The following NUCB1 variants were observed in gnomAD, a reference collection of about 807,000 sequenced individuals.
The protein encoded by NUCB1 is nucleobindin 1, also known as nucleobindin-1.
In NUCB1, 47 loss-of-function variants were observed where a neutral mutation model predicts 61.2. The ratio of observed to expected loss-of-function variants is 0.77; its 90% CI spans 0.61 to 0.98. NUCB1 has a LOEUF of 0.98. Ranked by LOEUF, NUCB1 falls within the 50% of genes least tolerant of loss-of-function variation. NUCB1 has a pLI of 0.00. For synonymous variants in NUCB1, 234 were observed against 243.1 expected, an observed-to-expected ratio of 0.96 and a Z score of 0.35; for missense variants, 583 against 605.3, an observed-to-expected ratio of 0.96 and a Z score of 0.39.
intron 11 of NUCB1, among the ~76,000 whole-genome samples, 158 bp from the exon 12 acceptor site, chr19:48,921,669 G>A (rs910161383): frequency 6.6e-6 from 1 of 152,160 alleles, no homozygotes; most frequent in African/African-American, 2.4e-5. Context: ...TATTAAGCCC[G>A]ACTGTCAATG....
In NUCB1 at chr19:48,919,090, C is replaced by T. The variant is rs1455451451; in HGVS notation, c.877C>T (p.Arg293Ter). 2 of 1,613,958 alleles carry T rather than the reference C, an allele frequency of 1.2e-6. No individual in the cohort carries two copies. The highest frequency in any genetic ancestry group is 1.3e-5 in the African/African-American group (1 of 74,910). The stretch of plus-strand genomic sequence containing the variant: ...CGACATGCGGGAGATGGAGGAGGAG[C>T]GACTGCGCATGCGGGAGCATGTGAT... ...EDDMREMEEE[R>*]LRMREHVMKN... The change falls in exon 9 of 13, where the codon CGA (arginine) becomes TGA (stop). Residue 293 changes from arginine (R) to a stop codon, truncating the protein, a stop_gained. Coordinates refer to ENST00000405315, the MANE Select transcript of NUCB1 (RefSeq NM_006184.6). LOFTEE classifies it high-confidence loss of function.
intron 10 of NUCB1, among the ~76,000 whole-genome samples, chr19:48,919,510 C>T (rs1026774541): frequency 6.1e-4 from 92 of 151,362 alleles, no homozygotes; most frequent in African/African-American, 2.0e-3. Flanking sequence ...CGGAGTCTCA[C>T]TCCATCGCCC....
chr19:48,912,700 G>C (rs1185566337), intron 5 of NUCB1, among the ~76,000 whole-genome samples: 2 of 150,050 alleles, frequency 1.3e-5, no homozygotes, highest in Non-Finnish European at 3.0e-5. Context: ...GCTGGGCCTG[G>C]TGACACATGC....
intron 1 of NUCB1, 35 bp downstream of exon 1, chr19:48,900,407 AG>A (rs2037341304): frequency 4.4e-6 from 1 of 229,348 alleles, no homozygotes; most frequent in Non-Finnish European, 8.7e-6. Context: ...CTTGGGTCCT[AG>A]GGAGGATGGG....
intron 8 of NUCB1, 54 bp downstream of exon 8, chr19:48,918,838 GTT>G: frequency 1.3e-6 from 2 of 1,516,226 alleles, no homozygotes. Flanking sequence ...TCAGCCACTT[GTT>G]TCCTCCTGCA....
chr19:48,915,761 G>A (rs12981368), intron 7 of NUCB1, among the ~76,000 whole-genome samples: 90,223 of 151,552 alleles, frequency 0.6, 27,717 homozygotes, highest in South Asian at 0.74. Context: ...TTGGCCTCCC[G>A]AAGTGCTGGG....
Position 48,905,841 on chromosome 19 carries a change from T to G in NUCB1, c.332T>G (p.Leu111Arg), listed in dbSNP as rs1312347277. Residue 111 changes from leucine (L) to arginine (R), a missense_variant, in exon 4 of 13, where the codon CTG becomes CGG. By Grantham distance (102) the Leu-to-Arg change is moderately radical (BLOSUM62 -2). Coordinates refer to ENST00000405315, the MANE Select transcript of NUCB1 (RefSeq NM_006184.6). ...DELKRQEVSR[L>R]RMLLKAKMDA... ...CTCAAGCGACAGGAGGTGTCACGGC[T>G]GCGGATGCTGCTCAAGGCCAAGATG... The G allele has an allele frequency of 6.4e-6, 9 of 1,410,114 alleles. No individual in the cohort carries two copies. Among genetic ancestry groups the G allele is most frequent in the Non-Finnish European group, 8.5e-6 (9 of 1,053,310 alleles). The allele number at this position is 1,410,114 out of a possible 1,614,324, so 87.4% of individuals were successfully genotyped here.
At position 48,921,158 on chromosome 19, in the gene NUCB1, T is replaced by A; in HGVS notation, c.1007T>A (p.Val336Glu). ...GCCCCTGTGCCTGCCCTGCAGACAG[T>A]GGAGATGCACCCTGCCTACACCGAG... is the stretch of plus-strand genomic sequence containing the variant. ...FGDTGEGWET[V>E]EMHPAYTEEE... The change falls in exon 11 of 13, where the codon GTG (valine) becomes GAG (glutamate). Residue 336 changes from valine (V) to glutamate (E), a missense_variant. Coordinates refer to ENST00000405315, the MANE Select transcript of NUCB1 (RefSeq NM_006184.6). 1 of 1,606,374 alleles carries A rather than the reference T, an allele frequency of 6.2e-7. No homozygotes were observed. Among genetic ancestry groups the A allele is most frequent in the South Asian group, 1.1e-5 (1 of 90,746 alleles).
At position 48,908,872 on chromosome 19, in the gene NUCB1, T is replaced by C. The variant is rs2037442469; in HGVS notation, c.377-2277T>C. Among the ~76,000 whole-genome samples, 5 of 151,962 alleles carry C rather than the reference T, an allele frequency of 3.3e-5. 1 individual carries two copies. The highest frequency in any genetic ancestry group is 7.4e-5 in the Non-Finnish European group (5 of 67,996). On this transcript the variant is annotated intron_variant, in intron 4 of 12. Coordinates refer to ENST00000405315, the MANE Select transcript of NUCB1 (RefSeq NM_006184.6). ...GGGCCCCTAGAAGCCTCGGGAGACATGCGTGCGGTAAGTGTGTGTTGGCAG... is the reference window on the plus strand; with the variant it reads ...GGGCCCCTAGAAGCCTCGGGAGACACGCGTGCGGTAAGTGTGTGTTGGCAG...
rs530189809 is a variant in NUCB1 at position 48,915,807 on chromosome 19, C to T, written c.757+2243C>T. 2.4e-4 allele frequency among the ~76,000 whole-genome samples: 37 copies of T among 151,952 alleles called. No homozygotes were observed. In the South Asian group the frequency reaches 7.5e-3, roughly 31 times the overall value. On this transcript the variant is annotated intron_variant, in intron 7 of 12. Coordinates refer to ENST00000405315, the MANE Select transcript of NUCB1 (RefSeq NM_006184.6). ...TGAGCCATCCCACCGGGCACCACCC[C>T]CCGTGTTTTGTTTTGTTTTTTTTTT...
chr19:48,908,132 T>C (rs1049136726), intron 4 of NUCB1, among the ~76,000 whole-genome samples: 2 of 152,084 alleles, frequency 1.3e-5, no homozygotes, highest in Non-Finnish European at 2.9e-5. Flanking sequence ...AGAACTCTTT[T>C]GGTTGTTGTT....
At position 48,913,151 on chromosome 19, in the gene NUCB1, A is replaced by G. The variant is rs1048341895; in HGVS notation, c.621A>G (p.Glu207=). 2.5e-6 allele frequency: 4 copies of G among 1,613,946 alleles called. No individual in the cohort carries two copies. ...GAAAGGAGGCGGAGAGGAAGCTGGAAGAGCAACAGCGCCGGCACCGCGAGC... is the reference window on the plus strand; with the variant it reads ...GAAAGGAGGCGGAGAGGAAGCTGGAGGAGCAACAGCGCCGGCACCGCGAGC... ...EQRKEAERKL[E]EQQRRHREHP... Residue 207 remains glutamate, a synonymous_variant, in exon 6 of 13, where the codon GAA becomes GAG. Coordinates refer to ENST00000405315, the MANE Select transcript of NUCB1 (RefSeq NM_006184.6).
intron 10 of NUCB1, among the ~76,000 whole-genome samples, chr19:48,920,876 T>C (rs2122211818): frequency 6.6e-6 from 1 of 152,232 alleles, no homozygotes; most frequent in Non-Finnish European, 1.5e-5. Flanking sequence ...AGACAGGGTC[T>C]CGCTCCGTTG....
In NUCB1 at chr19:48,922,321, A is replaced by G. The variant is rs372657949; in HGVS notation, c.1283A>G (p.Asp428Gly). 4.3e-6 allele frequency: 7 copies of G among 1,613,264 alleles called. No individual in the cohort carries two copies. The highest frequency in any genetic ancestry group is 5.9e-6 in the Non-Finnish European group (7 of 1,179,430). Residue 428 changes from aspartate to glycine, a missense_variant, in exon 13 of 13, where the codon GAT becomes GGT. By Grantham distance (94) the Asp-to-Gly change is moderately conservative. Coordinates refer to ENST00000405315, the MANE Select transcript of NUCB1 (RefSeq NM_006184.6). ...CATTCCCTCCCTCCATTTCCAGACG[A>G]TGTACCTGTCCCAGCTCCAGCCGGT... is the stretch of plus-strand genomic sequence containing the variant. ...GQLKFHPDTD[D>G]VPVPAPAGDQ... is the part of the protein sequence containing the mutation.
intron 10 of NUCB1, 70 bp downstream of exon 10, chr19:48,919,356 C>A: frequency 2.6e-6 from 3 of 1,168,788 alleles, no homozygotes; most frequent in South Asian, 1.4e-5. Flanking sequence ...CTTTCAGAAT[C>A]TTAGGCCCCT....
At chr19:48,901,443 C>T (rs1258100134) in intron 2 of NUCB1, among the ~76,000 whole-genome samples, 1 of 152,192 alleles carries the variant, frequency 6.6e-6, no homozygotes, top group Admixed American at 6.5e-5. Flanking sequence ...TCTTGTGGTC[C>T]GAATCTTCCT....
At chr19:48,916,520 A>G (rs1417688657) in intron 7 of NUCB1, among the ~76,000 whole-genome samples, 6 of 151,654 alleles carry the variant, frequency 4.0e-5, no homozygotes, top group Non-Finnish European at 8.8e-5. Context: ...CTTGGGAGGC[A>G]GAGGTGGGAG....
intron 2 of NUCB1, 126 bp from the exon 3 acceptor site, chr19:48,904,221 T>C: frequency 1.7e-6 from 1 of 601,422 alleles, no homozygotes; most frequent in Admixed American, 2.6e-5. Context: ...TTGCTGCATA[T>C]GTGGGAAAAG....
At chr19:48,917,579 C>G (rs1371603890) in intron 7 of NUCB1, among the ~76,000 whole-genome samples, 4 of 152,190 alleles carry the variant, frequency 2.6e-5, no homozygotes, top group African/African-American at 9.6e-5. Flanking sequence ...ACACTGCAAC[C>G]CCCGCCTCCC....
Sources: gnomAD v4.1 joint callset for allele counts (sites outside exome capture counted in the v4.1 genomes callset) on GRCh38, gnomAD v4.1.1 for gene constraint, MANE v1.5 for transcripts, NCBI Gene and HGNC (gene_info 2026-07-23, HGNC 2026-07-21) for gene names.